The following COL21A1 variants were observed in gnomAD, a reference collection of about 807,000 sequenced individuals.
The protein encoded by COL21A1 is collagen type XXI alpha 1 chain.
In COL21A1, 149 loss-of-function variants were observed where a neutral mutation model predicts 137.9. The observed-to-expected ratio is 1.08, with a 90% CI of 0.95 to 1.24. The LOEUF is 1.24. COL21A1 is among the 50% of genes most tolerant of loss of function. The pLI is 0.00. For missense variants in COL21A1, 1,167 were observed against 1,158.4 expected (o/e 1.01, Z -0.11); for synonymous variants, 456 against 391.5 (o/e 1.16, Z -1.95).
chr6:56,275,002 G>T (rs2152332990), intron 1 of COL21A1, among the ~76,000 whole-genome samples: 1 of 152,160 alleles, frequency 6.6e-6, no homozygotes, highest in Non-Finnish European at 1.5e-5. Context: ...TATGGTACTG[G>T]CACAAAAACA....
At chr6:56,127,166 T>C (rs1773113337) in intron 12 of COL21A1, among the ~76,000 whole-genome samples, 1 of 152,168 alleles carries the variant, frequency 6.6e-6, no homozygotes, top group Non-Finnish European at 1.5e-5. Flanking sequence ...CCTCCCCATC[T>C]CCACTTCTAA....
At chr6:56,250,008 T>C (rs1399798952), upstream of COL21A1, among the ~76,000 whole-genome samples, 1 of 152,232 alleles carries the variant, frequency 6.6e-6, no homozygotes, top group Non-Finnish European at 1.5e-5. Context: ...CTGTAAAATA[T>C]TCCTCTAAAT....
At chr6:56,163,674 A>G (rs956534490) in intron 9 of COL21A1, among the ~76,000 whole-genome samples, 1 of 150,722 alleles carries the variant, frequency 6.6e-6, no homozygotes, top group Admixed American at 6.7e-5. Flanking sequence ...GCGCCACTGC[A>G]CTCCAGCTGG....
chr6:56,193,644 T>C (rs1778837988), intron 1 of COL21A1, among the ~76,000 whole-genome samples: 1 of 152,224 alleles, frequency 6.6e-6, no homozygotes, highest in Non-Finnish European at 1.5e-5. Flanking sequence ...ATCTGTATAA[T>C]TTATTGTCTA....
intron 14 of COL21A1, chr6:56,125,317 C>G: frequency 3.6e-6 from 1 of 278,148 alleles, no homozygotes; most frequent in Non-Finnish European, 6.6e-6. Flanking sequence ...CCGCGCCCGG[C>G]CTGTAAATCT....
chr6:56,147,110 G>A (rs373094414), intron 10 of COL21A1, among the ~76,000 whole-genome samples: 2 of 152,168 alleles, frequency 1.3e-5, no homozygotes, highest in East Asian at 3.9e-4. Context: ...ATTTCAAAAG[G>A]AGAATGTACA....
chr6:56,164,379 T>C (rs1259542258), intron 9 of COL21A1, 44 bp downstream of exon 9: 1 of 1,243,712 alleles, frequency 8.0e-7, no homozygotes, highest in East Asian at 2.5e-5. Flanking sequence ...ACCCAGCTCT[T>C]GTTTGTGTGT....
At chr6:56,128,447 T>C (rs1925166) in intron 12 of COL21A1, among the ~76,000 whole-genome samples, 86,155 of 152,010 alleles carry the variant, frequency 0.57, 24,739 homozygotes, top group East Asian at 0.79. Context: ...TCTCCGTGGG[T>C]AGAGTTCAAT....
intron 17 of COL21A1, among the ~76,000 whole-genome samples, chr6:56,094,149 GA>G (rs912973277): frequency 1.1e-3 from 165 of 149,350 alleles, no homozygotes; most frequent in African/African-American, 3.6e-3. Flanking sequence ...TAAGCAGTAA[GA>G]AAAAAAAAAT....
chr6:56,345,839 A>G (rs1173345682), intron 1 of COL21A1, among the ~76,000 whole-genome samples: 2 of 152,168 alleles, frequency 1.3e-5, no homozygotes, highest in Admixed American at 1.3e-4. Flanking sequence ...TTCTGGTAAA[A>G]CACATTTTCC....
chr6:56,217,089 A>G (rs1398328042), intron 1 of COL21A1, among the ~76,000 whole-genome samples: 1 of 152,086 alleles, frequency 6.6e-6, no homozygotes, highest in South Asian at 2.1e-4. Flanking sequence ...TTGGGTACTA[A>G]TTAGAAAATA....
intron 1 of COL21A1, among the ~76,000 whole-genome samples, chr6:56,328,409 T>G (rs1765146996): frequency 6.6e-6 from 1 of 152,114 alleles, no homozygotes; most frequent in Non-Finnish European, 1.5e-5. Flanking sequence ...AAGACATACT[T>G]CCCCATCACA....
chr6:56,147,727 G>T (rs914117953), intron 10 of COL21A1, among the ~76,000 whole-genome samples: 4 of 151,968 alleles, frequency 2.6e-5, no homozygotes, highest in Non-Finnish European at 5.9e-5. Context: ...CTATTTAAGT[G>T]ACATGTGAGA....
intron 1 of COL21A1, among the ~76,000 whole-genome samples, chr6:56,278,979 TGA>T (rs1294059653): frequency 6.6e-6 from 1 of 152,170 alleles, no homozygotes; most frequent in East Asian, 1.9e-4. Flanking sequence ...CAATGGCTTG[TGA>T]TATGTTTGGA....
At chr6:56,221,080 T>C (rs899337238) in intron 1 of COL21A1, among the ~76,000 whole-genome samples, 1 of 152,180 alleles carries the variant, frequency 6.6e-6, no homozygotes, top group Non-Finnish European at 1.5e-5. Flanking sequence ...TCTCAACTAC[T>C]GGCATTTGAA....
chr6:56,060,929 G>A lies in COL21A1; in HGVS notation c.2314C>T (p.Pro772Ser), dbSNP rs375415415. The A allele has an allele frequency of 1.1e-5, 17 of 1,579,864 alleles. No individual in the cohort carries two copies. The highest frequency in any genetic ancestry group is 1.2e-5 in the Non-Finnish European group (14 of 1,168,560). Residue 772 changes from proline to serine, a missense_variant, in exon 26 of 30, where the codon CCA becomes TCA. Pro to Ser is a moderately conservative substitution (Grantham distance 74, BLOSUM62 -1). Transcript: ENST00000244728. ...AAACCTGGGGGTCCCTGAGGACCTG[G>A]ATCCCCAGGTTGCCCCTTAGGACCT... ...PAGPKGQPGD[P>S]GPQGPPGLDG...
At chr6:56,196,685 T>C (rs1440022679) in intron 1 of COL21A1, among the ~76,000 whole-genome samples, 1 of 152,022 alleles carries the variant, frequency 6.6e-6, no homozygotes, top group Non-Finnish European at 1.5e-5. Context: ...CATTGAAAAC[T>C]CTAAAACATT....
intron 1 of COL21A1, among the ~76,000 whole-genome samples, chr6:56,354,852 T>C (rs1254998712): frequency 2.0e-5 from 3 of 152,112 alleles, no homozygotes; most frequent in African/African-American, 7.2e-5. Flanking sequence ...AGTGAGACTT[T>C]CACAAATAAA....
At chr6:56,164,747 G>A (rs1776442902) in intron 8 of COL21A1, 67 bp downstream of exon 8, 1 of 1,290,402 alleles carries the variant, frequency 7.7e-7, no homozygotes, top group Non-Finnish European at 1.1e-6. Context: ...TACAGTTGTT[G>A]GAAAAGAGCT....
Sources: allele counts gnomAD v4.1 joint callset (sites outside exome capture counted in the v4.1 genomes callset), GRCh38; gene constraint gnomAD v4.1.1; transcripts MANE v1.5; gene names NCBI Gene and HGNC (gene_info 2026-07-23, HGNC 2026-07-21).